The following ZBTB46 variants were observed in gnomAD, a reference collection of about 807,000 sequenced individuals.
ZBTB46 encodes the protein zinc finger and BTB domain containing 46, also known as zinc finger and BTB domain-containing protein 46.
Under a neutral mutation model 44.1 loss-of-function variants are expected in ZBTB46, and 8 were observed. The observed-to-expected ratio is 0.18, with a 90% CI of 0.11 to 0.33. The LOEUF is 0.33. Among genes scored for constraint, ZBTB46 ranks in the 10% least tolerant of loss-of-function variants. The pLI is 1.00. For synonymous variants in ZBTB46, 409 were observed against 382.3 expected (o/e 1.07, Z -0.81); for missense variants, 651 against 847.7 (o/e 0.77, Z 2.88).
At position 63,768,233 on chromosome 20, in the gene ZBTB46, G is replaced by A. The variant is rs370026005; in HGVS notation, c.1222+7445C>T. ...TCCTGTGAGAAATGAGAAACGACTC[G>A]TGTGGGAATAGCAATTAATTTCAAA... On this transcript the variant is annotated intron_variant, in intron 3 of 4. Transcript: ENST00000245663. The A allele has an allele frequency of 8.2e-5, 52 of 636,248 alleles. 1 individual carries two copies. Among genetic ancestry groups the A allele is most frequent in the Admixed American group, 4.4e-4 (7 of 15,822 alleles). 39.4% of individuals were successfully genotyped at this position (636,248 alleles called of 1,614,324 possible). A position where few individuals can be genotyped will look rare whatever the true frequency, so the allele number is the denominator to read the frequency against.
intron 1 of ZBTB46, among the ~76,000 whole-genome samples, chr20:63,800,239 G>A (rs556924522): frequency 1.1e-4 from 16 of 152,348 alleles, no homozygotes; most frequent in African/African-American, 3.4e-4. Context: ...AGTAAGAGAA[G>A]ACAGTCACCA....
intron 2 of ZBTB46, among the ~76,000 whole-genome samples, chr20:63,786,583 C>T (rs1295519872): frequency 6.6e-6 from 1 of 152,186 alleles, no homozygotes; most frequent in African/African-American, 2.4e-5. Context: ...GCGATCTCAG[C>T]TCACCGCAAC....
Position 63,806,813 on chromosome 20 carries a change from C to T in ZBTB46, c.-33-16023G>A, listed in dbSNP as rs113789318. Reference sequence around the variant, plus strand: ...GGTTTTTTTTTTTGAGATGGAGTCTCGCTCTGTCGGCCAGGATGGAGTGCA... The same window carrying T: ...GGTTTTTTTTTTTGAGATGGAGTCTTGCTCTGTCGGCCAGGATGGAGTGCA... On this transcript the variant is annotated intron_variant, in intron 1 of 4. Coordinates refer to ENST00000245663, the MANE Select transcript of ZBTB46 (RefSeq NM_001369741.1). Among the ~76,000 whole-genome samples, 401 of 150,824 alleles carry T rather than the reference C, an allele frequency of 2.7e-3. 1 individual carries two copies. Among genetic ancestry groups the T allele is most frequent in the African/African-American group, 9.2e-3 (376 of 41,054 alleles).
intron 2 of ZBTB46, among the ~76,000 whole-genome samples, chr20:63,779,129 C>T (rs560404644): frequency 1.6e-4 from 24 of 152,286 alleles, no homozygotes; most frequent in Middle Eastern, 6.8e-3. Flanking sequence ...CCTCCCCAGA[C>T]GCAGCCACAC....
chr20:63,793,845 A>G (rs369591033), intron 1 of ZBTB46, among the ~76,000 whole-genome samples: 1 of 152,254 alleles, frequency 6.6e-6, no homozygotes, highest in East Asian at 1.9e-4. Context: ...ATACTCAGAG[A>G]TTTTATAGTT....
intron 1 of ZBTB46, among the ~76,000 whole-genome samples, chr20:63,797,879 G>C (rs1444241474): frequency 1.3e-5 from 2 of 152,284 alleles, no homozygotes; most frequent in African/African-American, 4.8e-5. Flanking sequence ...AGTTGTTTAA[G>C]TTCTTTGTAG....
At chr20:63,779,443 G>T in intron 2 of ZBTB46, among the ~76,000 whole-genome samples, 1 of 115,804 alleles carries the variant, frequency 8.6e-6, no homozygotes. Flanking sequence ...TTTTTGAGAC[G>T]GAGTCTTGCT....
chr20:63,747,358 G>T lies in ZBTB46; in HGVS notation c.1399-57C>A, dbSNP rs1423707512. 207 of 1,262,402 alleles carry T rather than the reference G, an allele frequency of 1.6e-4. 1 individual carries two copies. The highest frequency in any genetic ancestry group is 3.0e-4 in the Middle Eastern group (1 of 3,372). 78.2% of individuals were successfully genotyped at this position (1,262,402 alleles called of 1,614,324 possible). ...CTGGTGGGTTGGGGGGCGGGGCAGG[G>T]GGTGAGCAGGGCCTGGTGGAGGTGG... On this transcript the variant is annotated intron_variant, in intron 4 of 4. Coordinates refer to ENST00000245663, the MANE Select transcript of ZBTB46 (RefSeq NM_001369741.1).
At chr20:63,800,549 G>C (rs985278523) in intron 1 of ZBTB46, among the ~76,000 whole-genome samples, 1 of 152,236 alleles carries the variant, frequency 6.6e-6, no homozygotes, top group African/African-American at 2.4e-5. Context: ...CTCAGCTTGC[G>C]GGGAGGTGTG....
rs982043510 is a variant in ZBTB46 at position 63,746,843 on chromosome 20, G to A, written c.*87C>T. 117 of 1,417,588 alleles carry A rather than the reference G, an allele frequency of 8.3e-5. No homozygotes were observed. Among genetic ancestry groups the A allele is most frequent in the East Asian group, 1.0e-4 (4 of 38,202 alleles). The allele number at this position is 1,417,588 out of a possible 1,614,324, so 87.8% of individuals were successfully genotyped here. ...AGGAGGGGCCGCGAGAGGGGTGAGC[G>A]TGGCCCTGGCCCCGCAGTGGAGACC... On this transcript the variant is annotated 3_prime_UTR_variant, in exon 5 of 5. Transcript: ENST00000245663.
At chr20:63,771,465 G>GT (rs2092372065) in intron 3 of ZBTB46, among the ~76,000 whole-genome samples, 1 of 152,116 alleles carries the variant, frequency 6.6e-6, no homozygotes, top group Admixed American at 6.5e-5. Flanking sequence ...TTAGAAGTCC[G>GT]TGAGTTCAAC....
intron 3 of ZBTB46, among the ~76,000 whole-genome samples, chr20:63,762,479 C>T (rs2092285319): frequency 6.6e-6 from 1 of 152,040 alleles, no homozygotes; most frequent in Non-Finnish European, 1.5e-5. Flanking sequence ...TGGTGAAATC[C>T]TGTCTCTACT....
At chr20:63,809,245 CTGGGGGCCCCGCCG>C (rs1169264114) in intron 1 of ZBTB46, among the ~76,000 whole-genome samples, 1 of 149,198 alleles carries the variant, frequency 6.7e-6, no homozygotes, top group Non-Finnish European at 1.5e-5. Context: ...GGGCGCAGCC[CTGGGGGCCCCGCCG>C]TGGGCCACGC....
intron 1 of ZBTB46, among the ~76,000 whole-genome samples, chr20:63,826,349 G>T (rs980653950): frequency 6.6e-6 from 1 of 152,202 alleles, no homozygotes; most frequent in Non-Finnish European, 1.5e-5. Context: ...GGACTGAGTC[G>T]CTAGTAAGTC....
intron 2 of ZBTB46, among the ~76,000 whole-genome samples, chr20:63,780,723 A>C (rs567061685): frequency 9.2e-5 from 14 of 151,372 alleles, no homozygotes; most frequent in Admixed American, 9.2e-4. Flanking sequence ...AATGGTGTGA[A>C]CCCAGGAGGC....
chr20:63,815,391 G>C (rs1370679879), intron 1 of ZBTB46, among the ~76,000 whole-genome samples: 1 of 151,484 alleles, frequency 6.6e-6, no homozygotes, highest in African/African-American at 2.4e-5. Flanking sequence ...GGTGCAGTGA[G>C]TGCAGGTGCA....
chr20:63,779,305 A>C (rs2092449984), intron 2 of ZBTB46, among the ~76,000 whole-genome samples: 1 of 151,626 alleles, frequency 6.6e-6, no homozygotes, highest in Non-Finnish European at 1.5e-5. Context: ...CAATGGCATG[A>C]TCTCAGCTCA....
At position 63,773,603 on chromosome 20, in the gene ZBTB46, G is replaced by C. The variant is rs1174864833; in HGVS notation, c.1222+2075C>G. On this transcript the variant is annotated intron_variant, in intron 3 of 4. Transcript: ENST00000245663. ...ATGTGAAAAGGCGCTCGGAGGGGAG[G>C]GTAGTGAGGGAGGCCTGGGATCCCC... 7.2e-5 allele frequency among the ~76,000 whole-genome samples: 11 copies of C among 152,080 alleles called. No individual in the cohort carries two copies. The South Asian group carries it at 1.5e-3, about 20-fold the overall frequency.
At position 63,743,848 on chromosome 20, in the gene ZBTB46, G is replaced by A. The variant is rs1373736332; in HGVS notation, c.*3082C>T. 6.6e-6 allele frequency: 1 copy of A among 152,144 alleles called. No individual in the cohort carries two copies. Among genetic ancestry groups the A allele is most frequent in the East Asian group, 1.9e-4 (1 of 5,298 alleles). 9.4% of individuals were successfully genotyped at this position (152,144 alleles called of 1,614,324 possible). A position where few individuals can be genotyped will look rare whatever the true frequency, so the allele number is the denominator to read the frequency against. On this transcript the variant is annotated 3_prime_UTR_variant, in exon 5 of 5. Coordinates refer to ENST00000245663, the MANE Select transcript of ZBTB46 (RefSeq NM_001369741.1). ...CGGCAGAGCCATGATTTCCCACCGA[G>A]CGATTACGAGAACCTCTTCCCCCAA...
Sources: gnomAD v4.1 joint callset for allele counts (sites outside exome capture counted in the v4.1 genomes callset) on GRCh38, gnomAD v4.1.1 for gene constraint, MANE v1.5 for transcripts, NCBI Gene and HGNC (gene_info 2026-07-23, HGNC 2026-07-21) for gene names.